Variants in GRM8 observed in about 807,000 individuals in gnomAD.
The protein encoded by GRM8 is metabotropic glutamate receptor 8.
Under a neutral mutation model 87.2 loss-of-function variants are expected in GRM8, and 47 were observed. The ratio of observed to expected loss-of-function variants is 0.54; its 90% confidence interval spans 0.43 to 0.69. GRM8 has a LOEUF of 0.69. Ranked by LOEUF, GRM8 falls within the 30% of genes least tolerant of loss-of-function variation. The pLI is 0.00. For synonymous variants in GRM8, 396 were observed against 404.5 expected (o/e 0.98, Z 0.25); for missense variants, 1,019 against 1,139.2 (o/e 0.89, Z 1.52).
intron 2 of GRM8, among the ~76,000 whole-genome samples, chr7:127,214,868 T>C (rs899584368): frequency 5.3e-4 from 81 of 152,266 alleles, no homozygotes; most frequent in Admixed American, 1.3e-4. Context: ...AAATTTCATT[T>C]TGTTTCCTTT....
At chr7:127,182,216 T>A (rs1006894806) in intron 2 of GRM8, among the ~76,000 whole-genome samples, 7 of 151,964 alleles carry the variant, frequency 4.6e-5, no homozygotes, top group Non-Finnish European at 8.8e-5. Flanking sequence ...AAAAAAGATA[T>A]ACAAATGGCC....
chr7:127,175,658 A>T (rs1794061997), intron 2 of GRM8, among the ~76,000 whole-genome samples: 1 of 152,222 alleles, frequency 6.6e-6, no homozygotes. Flanking sequence ...CATCAGTACC[A>T]TGCAAGCAAG....
intron 7 of GRM8, among the ~76,000 whole-genome samples, chr7:126,623,884 A>T (rs1261617105): frequency 6.6e-6 from 1 of 152,206 alleles, no homozygotes; most frequent in African/African-American, 2.4e-5. Flanking sequence ...TGGAAGCTGC[A>T]GTGAGCTGTG....
chr7:127,090,985 G>C (rs1337793942), intron 3 of GRM8: 1 of 152,228 alleles, frequency 6.6e-6, no homozygotes, highest in African/African-American at 2.4e-5. Flanking sequence ...CAGTGCTAAT[G>C]AAAGATGTCT....
At chr7:126,732,096 G>A (rs1405149619) in intron 7 of GRM8, among the ~76,000 whole-genome samples, 1 of 151,984 alleles carries the variant, frequency 6.6e-6, no homozygotes, top group African/African-American at 2.4e-5. Context: ...TGTGCTAGTA[G>A]TTATTTCTTG....
intron 3 of GRM8, among the ~76,000 whole-genome samples, chr7:127,068,974 G>A (rs180813022): frequency 1.8e-4 from 28 of 152,198 alleles, no homozygotes; most frequent in African/African-American, 4.3e-4. Context: ...GAGGAGGATC[G>A]CACCAGAATT....
At chr7:126,985,840 T>G (rs1812000114) in intron 3 of GRM8, among the ~76,000 whole-genome samples, 1 of 152,226 alleles carries the variant, frequency 6.6e-6, no homozygotes. Context: ...GCCCCACCTC[T>G]CAATAGTGAC....
chr7:126,590,929 T>C (rs1796610255), intron 8 of GRM8, among the ~76,000 whole-genome samples: 1 of 152,094 alleles, frequency 6.6e-6, no homozygotes, highest in Non-Finnish European at 1.5e-5. Flanking sequence ...CCTTAAAGCA[T>C]AAATTTCACA....
intron 9 of GRM8, among the ~76,000 whole-genome samples, chr7:126,507,944 A>G (rs957339395): frequency 6.6e-6 from 1 of 151,828 alleles, no homozygotes; most frequent in Non-Finnish European, 1.5e-5. Flanking sequence ...CTCTCTCCCC[A>G]TCCCCTCTGT....
At chr7:126,904,435 G>T in intron 4 of GRM8, 113 bp downstream of exon 4, 1 of 994,494 alleles carries the variant, frequency 1.0e-6, no homozygotes. Context: ...AAACTAGAAG[G>T]CAGTCTGTTA....
At chr7:126,820,691 T>A (rs1200201423) in intron 6 of GRM8, among the ~76,000 whole-genome samples, 2 of 151,918 alleles carry the variant, frequency 1.3e-5, no homozygotes, top group Non-Finnish European at 2.9e-5. Context: ...ACCAGTTCTT[T>A]CTCTCTCTCT....
intron 9 of GRM8, among the ~76,000 whole-genome samples, chr7:126,500,125 T>A (rs897103072): frequency 1.3e-5 from 2 of 151,930 alleles, no homozygotes; most frequent in African/African-American, 2.4e-5. Flanking sequence ...AATACATTCT[T>A]ATTAACTATA....
At chr7:127,072,136 G>A (rs1217664412) in intron 3 of GRM8, among the ~76,000 whole-genome samples, 5 of 151,764 alleles carry the variant, frequency 3.3e-5, no homozygotes, top group Non-Finnish European at 7.4e-5. Flanking sequence ...AATATATCGT[G>A]TTTCCTTGCC....
chr7:126,945,869 T>TA (rs1300390705), intron 3 of GRM8, among the ~76,000 whole-genome samples: 13 of 152,202 alleles, frequency 8.5e-5, no homozygotes, highest in Admixed American at 8.5e-4. Flanking sequence ...ACAGAATTAT[T>TA]AATAGTGTAA....
chr7:127,165,537 G>A (rs1021288131), intron 2 of GRM8, among the ~76,000 whole-genome samples: 1 of 151,920 alleles, frequency 6.6e-6, no homozygotes, highest in South Asian at 2.1e-4. Context: ...CATTTTAAAT[G>A]TTATCTTCCT....
chr7:126,473,731 C>T (rs1805574315), intron 9 of GRM8, among the ~76,000 whole-genome samples: 1 of 152,142 alleles, frequency 6.6e-6, no homozygotes, highest in Non-Finnish European at 1.5e-5. Flanking sequence ...TTATAGCTCC[C>T]ACAGTCCCCA....
At chr7:126,714,026 C>T (rs972326417) in intron 7 of GRM8, among the ~76,000 whole-genome samples, 9 of 151,188 alleles carry the variant, frequency 6.0e-5, no homozygotes, top group African/African-American at 2.2e-4. Flanking sequence ...AATCCCAGCA[C>T]TTTGGGAGGT....
At chr7:127,156,053 G>A (rs1469238451) in intron 2 of GRM8, among the ~76,000 whole-genome samples, 1 of 152,112 alleles carries the variant, frequency 6.6e-6, no homozygotes, top group Non-Finnish European at 1.5e-5. Flanking sequence ...AAAAGACAAG[G>A]GTATAAATCT....
intron 7 of GRM8, among the ~76,000 whole-genome samples, chr7:126,717,048 C>G (rs1811831099): frequency 6.6e-6 from 1 of 152,160 alleles, no homozygotes; most frequent in Non-Finnish European, 1.5e-5. Context: ...GGAGTAAGAT[C>G]ATTTGCCTGA....
Sources: allele counts gnomAD v4.1 joint callset (sites outside exome capture counted in the v4.1 genomes callset), GRCh38; gene constraint gnomAD v4.1.1; transcripts MANE v1.5; gene names NCBI Gene and HGNC (gene_info 2026-07-23, HGNC 2026-07-21).